TAF5L: variants seen among roughly 807,000 people sequenced by gnomAD.
TAF5L encodes the protein TAF5-like RNA polymerase II p300/CBP-associated factor-associated factor 65 kDa subunit 5L.
A neutral mutation model predicts 51.3 loss-of-function variants in TAF5L; 7 were observed. The ratio of observed to expected loss-of-function variants is 0.14; its 90% confidence interval spans 0.08 to 0.26. The LOEUF is 0.26. Ranked by LOEUF, TAF5L falls within the 10% of genes least tolerant of loss-of-function variation. The pLI is 1.00. For missense variants in TAF5L, 575 were observed against 758.9 expected, an observed-to-expected ratio of 0.76 and a Z score of 2.85; for synonymous variants, 291 against 308.1, an observed-to-expected ratio of 0.94 and a Z score of 0.58.
chr1:229,596,416 G>A (rs553031229), intron 4 of TAF5L, among the ~76,000 whole-genome samples: 21 of 152,296 alleles, frequency 1.4e-4, no homozygotes, highest in African/African-American at 3.8e-4. Context: ...CCCCTGCCTA[G>A]TGACCAGCCA....
chr1:229,602,008 T>C lies in TAF5L; in HGVS notation c.972+187A>G. ...AATAAGAAGTTAATGCTGCTAAAAA[T>C]TGTTTTTGCATCTTAGGTTAGGCAT... On this transcript the variant is annotated intron_variant, in intron 4 of 4. Transcript: ENST00000258281. This position sits in a 1 kb window ranked among gnomAD's most constrained non-coding sequence, Gnocchi z 4.6. 7.0e-7 allele frequency: 1 copy of C among 1,422,820 alleles called. No homozygotes were observed. The highest frequency in any genetic ancestry group is 1.4e-5 in the African/African-American group (1 of 69,602). 88.1% of individuals were successfully genotyped at this position (1,422,820 alleles called of 1,614,324 possible). A position where few individuals can be genotyped will look rare whatever the true frequency, so the allele number is the denominator to read the frequency against.
intron 4 of TAF5L, among the ~76,000 whole-genome samples, chr1:229,598,718 A>C (rs1018197345): frequency 7.1e-6 from 1 of 141,828 alleles, no homozygotes; most frequent in Non-Finnish European, 1.5e-5. Flanking sequence ...TTTTTTTTTG[A>C]GACAGAATCT....
chr1:229,601,859 T>C (rs1664387784), intron 4 of TAF5L: 2 of 1,063,106 alleles, frequency 1.9e-6, no homozygotes, highest in Non-Finnish European at 2.3e-6. Flanking sequence ...CCTGAGCAAA[T>C]GTGCACACAC....
At chr1:229,616,295 C>T (rs35696487) in intron 1 of TAF5L, among the ~76,000 whole-genome samples, 66,344 of 151,836 alleles carry the variant, frequency 0.44, 15,015 homozygotes, top group East Asian at 0.74. Flanking sequence ...ATTACAGGTG[C>T]GAACCACCGT....
At chr1:229,616,067 TGCAA>T (rs1346699367) in intron 1 of TAF5L, among the ~76,000 whole-genome samples, 3 of 152,146 alleles carry the variant, frequency 2.0e-5, no homozygotes, top group Non-Finnish European at 4.4e-5. Context: ...CAGACTGGAG[TGCAA>T]TGGCATGATC....
chr1:229,594,675 G>C lies in TAF5L; in HGVS notation c.1392C>G (p.Phe464Leu). ...AAAGCACGGGGCCACGGTGGCCTGT[G>C]AAAAGCCTCACCGAGTTCCCCTGCT... The change falls in exon 5 of 5, where the codon TTC becomes TTG. Residue 464 changes from phenylalanine to leucine, a missense_variant. Around this residue, in one of 3 missense-constraint regions of TAF5L, gnomAD observed 104 missense variants for 218.3 expected, o/e 0.48. Coordinates refer to ENST00000258281, the Ensembl canonical transcript of TAF5L. The surrounding 1 kb of genome is among the most constrained non-coding windows in gnomAD (Gnocchi z 7.9). The C allele has an allele frequency of 6.2e-7, 1 of 1,614,206 alleles. No individual in the cohort carries two copies. Among genetic ancestry groups the C allele is most frequent in the African/African-American group, 1.3e-5 (1 of 75,076 alleles).
intron 4 of TAF5L, chr1:229,599,966 T>C (rs1445819448): frequency 1.0e-6 from 1 of 985,394 alleles, no homozygotes; most frequent in East Asian, 1.1e-4. Context: ...CATTAATCCA[T>C]GTGGCTTCAC....
At chr1:229,614,381 C>A (rs767898072) in exon 2 of TAF5L, 109 of 1,614,098 alleles carry the variant, frequency 6.8e-5, no homozygotes, top group Non-Finnish European at 8.7e-5. Flanking sequence ...TCTGTGACAG[C>A]CGCAGTCCTT....
chr1:229,610,522 C>G (rs1240082165), intron 2 of TAF5L, among the ~76,000 whole-genome samples: 1 of 152,226 alleles, frequency 6.6e-6, no homozygotes, highest in Non-Finnish European at 1.5e-5. Flanking sequence ...ATCCTATGTT[C>G]TGACATTTCA....
intron 1 of TAF5L, among the ~76,000 whole-genome samples, chr1:229,614,991 A>C (rs901972383): frequency 1.1e-4 from 17 of 152,242 alleles, no homozygotes; most frequent in African/African-American, 4.1e-4. Flanking sequence ...ACAATGGTGA[A>C]GGGGATTGTG....
rs778230863 is a variant in TAF5L at position 229,602,334 on chromosome 1, G to A, written c.833C>T (p.Pro278Leu). The change falls in exon 4 of 5, where the codon CCC becomes CTC. Residue 278 changes from proline to leucine, a missense_variant. This residue lies in a region of TAF5L where 380 missense variants were observed against 443.7 expected (regional missense o/e 0.86). Coordinates refer to ENST00000258281, the Ensembl canonical transcript of TAF5L. The surrounding 1 kb of genome is among the most constrained non-coding windows in gnomAD (Gnocchi z 4.6). ...CCCAGCAGCAAGCAGCTTGCTATCG[G>A]GGGAGATTTCTGCAGTGTTCAACAG... The A allele has an allele frequency of 2.0e-5, 33 of 1,614,028 alleles. No homozygotes were observed. Among genetic ancestry groups the A allele is most frequent in the Non-Finnish European group, 2.5e-5 (30 of 1,180,024 alleles).
chr1:229,598,695 T>C (rs1664227584), intron 4 of TAF5L, among the ~76,000 whole-genome samples: 1 of 150,612 alleles, frequency 6.6e-6, no homozygotes, highest in South Asian at 2.1e-4. Context: ...TATCTCTTTT[T>C]TTTTTTTTTT....
intron 2 of TAF5L, among the ~76,000 whole-genome samples, chr1:229,613,780 T>C (rs1263821749): frequency 6.6e-6 from 1 of 152,184 alleles, no homozygotes; most frequent in South Asian, 2.1e-4. Flanking sequence ...ACTATACTTA[T>C]TAATCCAGAT....
intron 3 of TAF5L, among the ~76,000 whole-genome samples, chr1:229,609,677 T>C (rs1237974343): frequency 2.0e-5 from 3 of 152,214 alleles, no homozygotes; most frequent in African/African-American, 7.2e-5. Context: ...ATGTACTATA[T>C]TATTAGTAGA....
chr1:229,605,581 C>T (rs2102750527), intron 3 of TAF5L, among the ~76,000 whole-genome samples: 1 of 150,920 alleles, frequency 6.6e-6, no homozygotes, highest in African/African-American at 2.4e-5. Flanking sequence ...GATATTCAGT[C>T]AAACATTATT....
intron 2 of TAF5L, among the ~76,000 whole-genome samples, chr1:229,613,343 A>G (rs1427196395): frequency 6.6e-6 from 1 of 151,462 alleles, no homozygotes; most frequent in African/African-American, 2.4e-5. Flanking sequence ...AAAAAAAAAA[A>G]AAAAAGAAGA....
At chr1:229,610,063 T>C (rs1453660999) in intron 3 of TAF5L, 43 bp downstream of exon 3, 2 of 1,584,674 alleles carry the variant, frequency 1.3e-6, no homozygotes, top group African/African-American at 1.3e-5. Flanking sequence ...TCTGTATTAC[T>C]CTGTTTTCTT....
intron 1 of TAF5L, among the ~76,000 whole-genome samples, chr1:229,616,805 C>T (rs1665019444): frequency 6.6e-6 from 1 of 152,036 alleles, no homozygotes; most frequent in Admixed American, 6.5e-5. Flanking sequence ...AATGTTAGGA[C>T]ATTATATATA....
At chr1:229,622,015 CATCATCTATCTATCT>C (rs1180221219) in intron 1 of TAF5L, among the ~76,000 whole-genome samples, 9 of 137,278 alleles carry the variant, frequency 6.6e-5, no homozygotes, top group South Asian at 4.9e-4. Context: ...TTTCATTCAT[CATCATCTATCTATCT>C]ATCTATCTAT....
Sources: allele counts gnomAD v4.1 joint callset (sites outside exome capture counted in the v4.1 genomes callset), GRCh38; gene constraint gnomAD v4.1.1; regional missense constraint gnomAD v4.1.1; non-coding constraint Gnocchi (gnomAD v3.1); transcripts MANE v1.5; gene names NCBI Gene and HGNC (gene_info 2026-07-23, HGNC 2026-07-21).